The following SMC1A variants were observed in gnomAD, a reference collection of about 807,000 sequenced individuals.
SMC1A encodes structural maintenance of chromosomes protein 1A.
Under a neutral mutation model 94.5 loss-of-function variants are expected in SMC1A, and 4 were observed. That is an observed-to-expected ratio of 0.04 (90% CI 0.02 to 0.10). The LOEUF (loss-of-function observed/expected upper bound fraction) is 0.10. Ranked by LOEUF, SMC1A falls within the 10% of genes least tolerant of loss-of-function variation. The pLI is 1.00. For synonymous variants in SMC1A, 345 were observed against 347.7 expected, an observed-to-expected ratio of 0.99 and a Z score of 0.09; for missense variants, 304 against 989.0, an observed-to-expected ratio of 0.31 and a Z score of 9.29.
In SMC1A at chrX:53,408,158, G is replaced by T. The variant is rs113039079; in HGVS notation, c.1545+904C>A. ...AGCCTGGCCAACATGGTGAAACCCC[G>T]TCTCTACTAAAAATACAAAAAAATT... is the stretch of plus-strand genomic sequence containing the variant. On this transcript the variant is annotated intron_variant, in intron 9 of 24. Transcript: ENST00000322213. 1.2e-4 allele frequency among the ~76,000 whole-genome samples: 13 copies of T among 111,430 alleles called. No homozygotes were observed. The East Asian group carries it at 2.2e-3, about 19-fold the overall frequency.
chrX:53,415,940 T>C (rs1360896669), intron 1 of SMC1A, among the ~76,000 whole-genome samples: 2 of 110,595 alleles, frequency 1.8e-5, no homozygotes, highest in Admixed American at 1.9e-4. Flanking sequence ...TTTTACAACC[T>C]TTAATGACAT....
At chrX:53,406,296 T>C (rs782676459) in intron 9 of SMC1A, among the ~76,000 whole-genome samples, 1 of 111,616 alleles carries the variant, frequency 9.0e-6, no homozygotes, top group East Asian at 2.8e-4. Context: ...CTGTATGGAC[T>C]GAGGAGGAGG....
At chrX:53,408,840 T>TA (rs1295569888) in intron 9 of SMC1A, among the ~76,000 whole-genome samples, 10 of 67,040 alleles carry the variant, frequency 1.5e-4, no homozygotes, top group South Asian at 8.4e-4. Flanking sequence ...GGTTGAAAAA[T>TA]AAAAAAAAAA....
At chrX:53,391,751 C>A (rs1352925584) in intron 19 of SMC1A, among the ~76,000 whole-genome samples, 1 of 111,768 alleles carries the variant, frequency 8.9e-6, no homozygotes, top group African/African-American at 3.3e-5. Flanking sequence ...TCCCAAAGTG[C>A]TGGGATTACA....
rs1366021531 is a variant in SMC1A at position 53,376,753 on chromosome X, G to GT, written c.*3349dup. ...CTCTGAATCTTCACATAAGCTAGATGTTTTTCCTGTGCTCCTGTCAGTGTT... is the reference window on the plus strand; with the variant it reads ...CTCTGAATCTTCACATAAGCTAGATGTTTTTTCCTGTGCTCCTGTCAGTGTT... On this transcript the variant is annotated 3_prime_UTR_variant, in exon 25 of 25. Coordinates refer to ENST00000322213, the MANE Select transcript of SMC1A (RefSeq NM_006306.4). 9.0e-6 allele frequency: 1 copy of GT among 111,220 alleles called. No individual in the cohort carries two copies. Among genetic ancestry groups the GT allele is most frequent in the Non-Finnish European group, 1.9e-5 (1 of 53,052 alleles). 9.2% of individuals were successfully genotyped at this position (111,220 alleles called of 1,213,427 possible).
chrX:53,389,451 C>A (rs1235579284), intron 19 of SMC1A, among the ~76,000 whole-genome samples: 2 of 111,624 alleles, frequency 1.8e-5, no homozygotes, highest in Non-Finnish European at 3.8e-5. Context: ...GAAATTACTG[C>A]CAAGCGTGGT....
Position 53,381,086 on chromosome X carries a change from A to G in SMC1A, c.3439T>C (p.Tyr1147His). The change falls in exon 23 of 25, where the codon TAC (tyrosine) becomes CAC (histidine). Residue 1147 changes from tyrosine to histidine, a missense_variant and splice_region_variant. This residue lies in a region of SMC1A where 4 missense variants were observed against 58.5 expected (regional missense o/e 0.07). Transcript: ENST00000322213. The stretch of plus-strand genomic sequence containing the variant: ...AGGACGAAGAAGGGGGCTGGCTTGT[A>G]GCTGGGAGGGAACCAGTAGGTGAGC... ...ALALLFAIHS[Y>H]KPAPFFVLDE... 9.0e-7 allele frequency: 1 copy of G among 1,114,064 alleles called. No individual in the cohort carries two copies. Among genetic ancestry groups the G allele is most frequent in the Non-Finnish European group, 1.2e-6 (1 of 830,181 alleles). 91.8% of individuals were successfully genotyped at this position (1,114,064 alleles called of 1,213,427 possible).
intron 4 of SMC1A, 33 bp from the exon 5 acceptor site, chrX:53,413,171 A>G (rs1556890798): frequency 2.5e-6 from 3 of 1,209,824 alleles, no homozygotes; most frequent in African/African-American, 1.8e-5. Flanking sequence ...GCAGGGGTGC[A>G]TCGATAAGGC....
chrX:53,392,855 A>G, intron 19 of SMC1A, among the ~76,000 whole-genome samples: 1 of 111,738 alleles, frequency 8.9e-6, no homozygotes, highest in Admixed American at 9.5e-5. Flanking sequence ...ATATCTATTG[A>G]ATTCTGGTTT....
chrX:53,395,756 C>T (rs1231416500), intron 18 of SMC1A, among the ~76,000 whole-genome samples: 1 of 111,160 alleles, frequency 9.0e-6, no homozygotes, highest in Non-Finnish European at 1.9e-5. Context: ...ACTTCCTCAC[C>T]TCTGCATTGC....
At chrX:53,395,122 C>G (rs1044321072) in intron 18 of SMC1A, among the ~76,000 whole-genome samples, 1 of 112,069 alleles carries the variant, frequency 8.9e-6, no homozygotes, top group African/African-American at 3.2e-5. Flanking sequence ...GCAGGTGAAT[C>G]ACTTCAGGTC....
chrX:53,410,212 T>A (rs1203187484), intron 7 of SMC1A, among the ~76,000 whole-genome samples: 4 of 111,509 alleles, frequency 3.6e-5, no homozygotes, highest in Non-Finnish European at 7.5e-5. Context: ...GTTATGTGAG[T>A]GGCCGGGCAC....
rs1301900813 is a variant in SMC1A at position 53,379,753 on chromosome X, G to A, written c.*350C>T. 3.5e-6 allele frequency: 1 copy of A among 284,752 alleles called. No homozygotes were observed. The highest frequency in any genetic ancestry group is 5.3e-5 in the Admixed American group (1 of 18,762). 23.5% of individuals were successfully genotyped at this position (284,752 alleles called of 1,213,427 possible). ...TGCAAACATACTCACATGCACACATGCGGATACATACATACACACATACAT... is the reference window on the plus strand; with the variant it reads ...TGCAAACATACTCACATGCACACATACGGATACATACATACACACATACAT... On this transcript the variant is annotated 3_prime_UTR_variant, in exon 25 of 25. Transcript: ENST00000322213.
chrX:53,422,102 T>C (rs2075760435), intron 1 of SMC1A: 1 of 1,125,077 alleles, frequency 8.9e-7, no homozygotes, highest in African/African-American at 1.8e-5. Flanking sequence ...CGTCCCCACA[T>C]TCTCCGGAGG....
chrX:53,390,323 TA>T (rs1556887050), intron 19 of SMC1A, among the ~76,000 whole-genome samples: 6 of 107,337 alleles, frequency 5.6e-5, no homozygotes. Flanking sequence ...CCGTCTCTAA[TA>T]AAAATACAAA....
At chrX:53,415,775 A>G (rs2075729391) in intron 1 of SMC1A, among the ~76,000 whole-genome samples, 1 of 105,154 alleles carries the variant, frequency 9.5e-6, no homozygotes, top group Admixed American at 1.0e-4. Context: ...TCAAAGCTGC[A>G]TGAGCTATGA....
intron 15 of SMC1A, among the ~76,000 whole-genome samples, chrX:53,401,980 T>C (rs1452286289): frequency 9.1e-6 from 1 of 110,312 alleles, no homozygotes; most frequent in Non-Finnish European, 1.9e-5. Flanking sequence ...ATTGGGTTTC[T>C]TGTCATTGTT....
At position 53,412,128 on chromosome X, in the gene SMC1A, T is replaced by C; in HGVS notation, c.980A>G (p.Lys327Arg). The change falls in exon 6 of 25, where the codon AAG becomes AGG. Residue 327 changes from lysine to arginine, a missense_variant. Lys to Arg is a conservative substitution (Grantham distance 26). Transcript: ENST00000322213. ...KSLQNAQKHY[K>R]KRKGDMDELE... ...CTCATCCATGTCACCTTTACGCTTC[T>C]TGTAGTGCTTCTGAGCATTCTGCAG... The C allele has an allele frequency of 4.1e-6, 5 of 1,211,877 alleles. No individual in the cohort carries two copies. The highest frequency in any genetic ancestry group is 4.5e-6 in the Non-Finnish European group (4 of 895,462).
chrX:53,408,881 A>G (rs992438032), intron 9 of SMC1A, among the ~76,000 whole-genome samples, 181 bp downstream of exon 9: 2 of 108,463 alleles, frequency 1.8e-5, no homozygotes, highest in Non-Finnish European at 3.8e-5. Flanking sequence ...GCTCAGGAGA[A>G]CAAGTTGGGT....
Sources: gnomAD v4.1 joint callset for allele counts (sites outside exome capture counted in the v4.1 genomes callset) on GRCh38, gnomAD v4.1.1 for gene constraint, gnomAD v4.1.1 regional missense constraint, MANE v1.5 for transcripts, NCBI Gene and HGNC (gene_info 2026-07-23, HGNC 2026-07-21) for gene names.